Variants in SCTR observed in about 807,000 individuals in gnomAD.
SCTR encodes pancreatic secretin receptor.
SCTR carries 56 observed loss-of-function variants against 60.8 expected under a neutral mutation model. The observed-to-expected ratio is 0.92, with a 90% CI of 0.74 to 1.15. The LOEUF is 1.15. Among genes scored for constraint, SCTR ranks in the 50% most tolerant of loss-of-function variants. SCTR has a pLI of 0.00. For missense variants in SCTR, 562 were observed against 550.4 expected, an observed-to-expected ratio of 1.02 and a Z score of -0.21; for synonymous variants, 202 against 217.0, an observed-to-expected ratio of 0.93 and a Z score of 0.61.
chr2:119,459,395 A>C (rs1464147001), intron 7 of SCTR, among the ~76,000 whole-genome samples: 1 of 149,070 alleles, frequency 6.7e-6, no homozygotes, highest in Admixed American at 6.6e-5. Flanking sequence ...AATCTGTGGG[A>C]CTAGGGTAAT....
At chr2:119,458,306 G>GAA (rs111894328) in intron 7 of SCTR, among the ~76,000 whole-genome samples, 18 of 84,912 alleles carry the variant, frequency 2.1e-4, no homozygotes, top group East Asian at 3.6e-4. Context: ...ACCCTATCTT[G>GAA]AAAAAAAAAA....
chr2:119,523,851 C>T (rs1461586006), intron 1 of SCTR, among the ~76,000 whole-genome samples: 1 of 152,144 alleles, frequency 6.6e-6, no homozygotes, highest in Non-Finnish European at 1.5e-5. Flanking sequence ...CTGCCACGGG[C>T]GGCTCCAGAA....
At chr2:119,482,650 G>A (rs74393452) in intron 2 of SCTR, among the ~76,000 whole-genome samples, 17,498 of 152,258 alleles carry the variant, frequency 0.11, 1,316 homozygotes, top group South Asian at 0.27. Flanking sequence ...CCACTATCCC[G>A]AGGCTGCCCG....
intron 6 of SCTR, 57 bp from the exon 7 acceptor site, chr2:119,462,057 G>A (rs1471929899): frequency 7.1e-6 from 11 of 1,540,642 alleles, no homozygotes; most frequent in African/African-American, 1.4e-5. Context: ...TCCCTCTGGT[G>A]AGTGGCCCCA....
chr2:119,465,330 GGA>G (rs1185785782), intron 5 of SCTR, among the ~76,000 whole-genome samples: 1 of 152,186 alleles, frequency 6.6e-6, no homozygotes, highest in African/African-American at 2.4e-5. Context: ...CCAGAGCAGT[GGA>G]ATGGAGGGAG....
At chr2:119,450,075 AG>A (rs1198641959) in intron 9 of SCTR, among the ~76,000 whole-genome samples, 6,666 of 146,890 alleles carry the variant, frequency 0.045, 536 homozygotes, top group African/African-American at 0.16. Context: ...AAAGAAAGAA[AG>A]AAAAATAAAT....
At chr2:119,510,127 C>T (rs1289412197) in intron 1 of SCTR, among the ~76,000 whole-genome samples, 1 of 151,700 alleles carries the variant, frequency 6.6e-6, no homozygotes, top group Admixed American at 6.6e-5. Flanking sequence ...TAATGCTATC[C>T]CTCCCCCAGC....
At chr2:119,478,721 G>T in intron 3 of SCTR, 90 bp downstream of exon 3, 1 of 1,160,764 alleles carries the variant, frequency 8.6e-7, no homozygotes, top group Non-Finnish European at 1.3e-6. Flanking sequence ...CCTCAGAGAA[G>T]GTTCCTTGGC....
At chr2:119,483,938 C>T (rs1677747523) in intron 2 of SCTR, among the ~76,000 whole-genome samples, 2 of 152,038 alleles carry the variant, frequency 1.3e-5, no homozygotes, top group South Asian at 2.1e-4. Context: ...TCCGGGACTC[C>T]CCAGTCCCCC....
At chr2:119,487,910 C>T (rs978249846) in intron 2 of SCTR, among the ~76,000 whole-genome samples, 1 of 152,090 alleles carries the variant, frequency 6.6e-6, no homozygotes, top group African/African-American at 2.4e-5. Context: ...GCAGCCCCTC[C>T]CCCCACACAG....
chr2:119,460,389 T>C (rs1306095557), intron 7 of SCTR, among the ~76,000 whole-genome samples: 1 of 151,878 alleles, frequency 6.6e-6, no homozygotes, highest in South Asian at 2.1e-4. Flanking sequence ...GATGAATGGA[T>C]AGAGGAATGG....
chr2:119,500,699 G>GA (rs1678514633), intron 1 of SCTR, among the ~76,000 whole-genome samples: 1 of 152,220 alleles, frequency 6.6e-6, no homozygotes, highest in Admixed American at 6.5e-5. Flanking sequence ...ATAGAGACTA[G>GA]ATGGGTGGTT....
intron 5 of SCTR, among the ~76,000 whole-genome samples, chr2:119,464,736 A>T (rs746775916): frequency 1.8e-4 from 28 of 152,138 alleles, no homozygotes; most frequent in Non-Finnish European, 4.0e-4. Flanking sequence ...CTCTAAATGA[A>T]TAAATAAAAA....
In SCTR at chr2:119,455,329, C is replaced by T. The variant is rs79482307; in HGVS notation, c.791-1982G>A. ...GTCCCTTGAGAGACAAACCCCACACCCCCAACAGCCATTAGCCGGCTCTGA... is the reference window on the plus strand; with the variant it reads ...GTCCCTTGAGAGACAAACCCCACACTCCCAACAGCCATTAGCCGGCTCTGA... On this transcript the variant is annotated intron_variant, in intron 7 of 12. Transcript: ENST00000019103. 5.1e-3 allele frequency among the ~76,000 whole-genome samples: 778 copies of T among 152,338 alleles called. 6 individuals carry two copies. The highest frequency in any genetic ancestry group is 0.018 in the African/African-American group (744 of 41,570).
chr2:119,450,066 AAG>A (rs1479247906), intron 9 of SCTR, among the ~76,000 whole-genome samples: 3 of 148,698 alleles, frequency 2.0e-5, no homozygotes, highest in African/African-American at 7.7e-5. Context: ...AAGAAAAAGA[AAG>A]AAAGAAAGAA....
chr2:119,524,313 C>G lies in SCTR; in HGVS notation c.-87G>C. ...GGGAGCTCAGCGCCCCGCGCAGGGT[C>G]CCGGGCTCCGGCCGGCCGCTGCGCC... is the stretch of plus-strand genomic sequence containing the variant. On this transcript the variant is annotated 5_prime_UTR_variant, in exon 1 of 13. Transcript: ENST00000019103. The G allele has an allele frequency of 3.3e-6, 3 of 913,482 alleles. No individual in the cohort carries two copies. Among genetic ancestry groups the G allele is most frequent in the Non-Finnish European group, 4.5e-6 (3 of 673,052 alleles). 56.6% of individuals were successfully genotyped at this position (913,482 alleles called of 1,614,324 possible). A position where few individuals can be genotyped will look rare whatever the true frequency, so the allele number is the denominator to read the frequency against.
Position 119,524,377 on chromosome 2 carries a change from C to T in SCTR, c.-151G>A, listed in dbSNP as rs1679387263. The T allele has an allele frequency of 2.2e-6, 1 of 452,410 alleles. No individual in the cohort carries two copies. The highest frequency in any genetic ancestry group is 2.1e-5 in the African/African-American group (1 of 48,520). 28.0% of individuals were successfully genotyped at this position (452,410 alleles called of 1,614,324 possible). ...GCTGAGCCACCCGACCTGCGGCGGG[C>T]CCCGGGACTGCTCCTCCTCGGACCA... is the stretch of plus-strand genomic sequence containing the variant. On this transcript the variant is annotated 5_prime_UTR_variant, in exon 1 of 13. Transcript: ENST00000019103.
intron 1 of SCTR, among the ~76,000 whole-genome samples, chr2:119,500,478 C>A (rs1433833040): frequency 1.3e-5 from 2 of 152,112 alleles, no homozygotes; most frequent in African/African-American, 4.8e-5. Context: ...ACCTAAGTAC[C>A]CATCAGCAGA....
chr2:119,499,457 T>C (rs968662462), intron 1 of SCTR, among the ~76,000 whole-genome samples: 1 of 152,086 alleles, frequency 6.6e-6, no homozygotes, highest in Non-Finnish European at 1.5e-5. Context: ...AAGCAGATCA[T>C]GTTGTGGGCC....
Sources: gnomAD v4.1 joint callset for allele counts (sites outside exome capture counted in the v4.1 genomes callset) on GRCh38, gnomAD v4.1.1 for gene constraint, MANE v1.5 for transcripts, NCBI Gene and HGNC (gene_info 2026-07-23, HGNC 2026-07-21) for gene names.